The following KANSL1 variants were observed in gnomAD, a reference collection of about 807,000 sequenced individuals.
KANSL1 encodes the protein MLL1/MLL complex subunit KANSL1.
A neutral mutation model predicts 103.6 loss-of-function variants in KANSL1; 22 were observed. The observed-to-expected ratio is 0.21, with a 90% CI of 0.15 to 0.30. KANSL1 has a LOEUF of 0.30. Among genes scored for constraint, KANSL1 ranks in the 10% least tolerant of loss-of-function variants. KANSL1 has a pLI of 1.00. For synonymous variants in KANSL1, 600 were observed against 527.6 expected (o/e 1.14, Z -1.88); for missense variants, 1,337 against 1,399.8 (o/e 0.96, Z 0.72).
rs191577842 is a variant in KANSL1, at chr17:46,182,463, G to A, written c.-89-10231C>T. On this transcript the variant is annotated intron_variant, in intron 1 of 14. Coordinates refer to ENST00000432791, the MANE Select transcript of KANSL1 (RefSeq NM_015443.4). ...ATTTGTTGTGGAATACAATGGGGAA[G>A]GAGAGACAAAATTTTTACTATAAAA... Among the ~76,000 whole-genome samples, 874 of 152,330 alleles carry A rather than the reference G, an allele frequency of 5.7e-3. 10 individuals carry two copies. The highest frequency in any genetic ancestry group is 0.02 in the African/African-American group (820 of 41,560).
intron 2 of KANSL1, 72 bp downstream of exon 2, chr17:46,170,783 T>C (rs575489776): frequency 2.1e-6 from 3 of 1,439,120 alleles, no homozygotes; most frequent in Non-Finnish European, 1.9e-6. Context: ...ATTCTCTCCA[T>C]AATGGCGATT....
At chr17:46,220,081 T>A (rs2048476954) in intron 1 of KANSL1, among the ~76,000 whole-genome samples, 1 of 152,074 alleles carries the variant, frequency 6.6e-6, no homozygotes, top group Non-Finnish European at 1.5e-5. Flanking sequence ...CTAGCCTAGG[T>A]GACAGAGTGA....
intron 7 of KANSL1, chr17:46,041,836 A>G (rs1315689377): frequency 6.6e-6 from 1 of 151,140 alleles, no homozygotes; most frequent in Non-Finnish European, 1.5e-5. Flanking sequence ...TACAAATTCC[A>G]GTCACTGATA....
rs138522154 is a variant in KANSL1, at chr17:46,147,569, C to CT, written c.1289+23285dup. Among the ~76,000 whole-genome samples the CT allele has an allele frequency of 2.7e-3, 242 of 89,756 alleles. 5 individuals are homozygous for CT. In the Admixed American group the frequency reaches 0.031, roughly 11 times the overall value. The allele number at this position is 89,756 out of a possible 152,430, so 58.9% of individuals were successfully genotyped here. On this transcript the variant is annotated intron_variant, in intron 2 of 14. Coordinates refer to ENST00000432791, the MANE Select transcript of KANSL1 (RefSeq NM_015443.4). ...CCAGCCTGGGTGACAGAGTGAGACT[C>CT]TTTAAAAAAAAAAAAAAAAAAAAAA...
At chr17:46,113,500 T>TGCAA in intron 2 of KANSL1, among the ~76,000 whole-genome samples, 1 of 152,356 alleles carries the variant, frequency 6.6e-6, no homozygotes. Flanking sequence ...GTTAGGCATA[T>TGCAA]GCAAGCCTTT....
intron 5 of KANSL1, 71 bp from the exon 6 acceptor site, chr17:46,066,803 CAAAG>C: frequency 9.1e-7 from 1 of 1,103,930 alleles, no homozygotes; most frequent in Non-Finnish European, 1.3e-6. Context: ...CAAGAAAACA[CAAAG>C]AAACAAAGCC....
At chr17:46,072,331 T>C (rs1375809571) in intron 4 of KANSL1, among the ~76,000 whole-genome samples, 1 of 152,204 alleles carries the variant, frequency 6.6e-6, no homozygotes, top group African/African-American at 2.4e-5. Flanking sequence ...ATTAATGCCA[T>C]GTCACACCTG....
intron 2 of KANSL1, among the ~76,000 whole-genome samples, chr17:46,167,296 A>G (rs2046054977): frequency 6.6e-6 from 1 of 152,234 alleles, no homozygotes. Flanking sequence ...TCTAAGAGGG[A>G]AAAACAAAGA....
chr17:46,058,735 ACACACACACTCTCTCTCTCTCT>A (rs1296583670), intron 6 of KANSL1, among the ~76,000 whole-genome samples: 55 of 54,084 alleles, frequency 1.0e-3, no homozygotes, highest in African/African-American at 2.0e-3. Context: ...ACACACACAC[ACACACACACTCTCTCTCTCTCT>A]CTCTCTCTCT....
rs920048205 is a variant in KANSL1, at chr17:46,081,728, T to A, written c.1533+713A>T. 2.0e-4 allele frequency among the ~76,000 whole-genome samples: 30 copies of A among 152,366 alleles called. 4 individuals carry two copies. The highest frequency in any genetic ancestry group is 1.9e-3 in the Admixed American group (29 of 15,306). On this transcript the variant is annotated intron_variant, in intron 4 of 14. Transcript: ENST00000432791. ...GCTTAACTCACCATTTAAAAAGCCA[T>A]CACTTCACACTAGCTTTATTATCTG...
At chr17:46,038,962 A>G in intron 9 of KANSL1, 65 bp downstream of exon 9, 1 of 1,561,536 alleles carries the variant, frequency 6.4e-7, no homozygotes, top group Non-Finnish European at 8.7e-7. Flanking sequence ...AGAGAAGCCT[A>G]GGCTGCCCCA....
chr17:46,114,809 A>G (rs185089367), intron 2 of KANSL1, among the ~76,000 whole-genome samples: 1 of 152,376 alleles, frequency 6.6e-6, no homozygotes, highest in East Asian at 1.9e-4. Flanking sequence ...TAATCCCATT[A>G]AGGTTTATCA....
At chr17:46,183,050 T>C (rs2696702) in intron 1 of KANSL1, among the ~76,000 whole-genome samples, 21,951 of 152,238 alleles carry the variant, frequency 0.14, 2,139 homozygotes, top group Non-Finnish European at 0.22. Context: ...ATTTGGGGGA[T>C]GGAGGCAATC....
intron 2 of KANSL1, among the ~76,000 whole-genome samples, chr17:46,096,071 T>G (rs1376577291): frequency 1.3e-5 from 2 of 151,632 alleles, no homozygotes; most frequent in Non-Finnish European, 2.9e-5. Context: ...CCACCATTTT[T>G]GAAAAATAAT....
At chr17:46,072,061 A>C (rs2078599438) in intron 4 of KANSL1, among the ~76,000 whole-genome samples, 1 of 149,794 alleles carries the variant, frequency 6.7e-6, no homozygotes, top group Admixed American at 6.8e-5. Context: ...CAAATTTGTT[A>C]TTCACATAAA....
intron 13 of KANSL1, 49 bp from the exon 14 acceptor site, chr17:46,032,348 T>TA: frequency 6.8e-7 from 1 of 1,480,502 alleles, no homozygotes; most frequent in Non-Finnish European, 9.0e-7. Flanking sequence ...TGTTTACTTA[T>TA]GGGGGTAGAG....
intron 2 of KANSL1, among the ~76,000 whole-genome samples, chr17:46,129,473 C>T (rs1243339906): frequency 7.2e-5 from 11 of 152,302 alleles, no homozygotes; most frequent in Admixed American, 3.3e-4. Flanking sequence ...AGTGCTTTGT[C>T]GTGAGTTACA....
intron 7 of KANSL1, among the ~76,000 whole-genome samples, chr17:46,046,840 T>TAAAAAAAAAAAAA (rs36102082): frequency 8.4e-6 from 1 of 118,688 alleles, no homozygotes; most frequent in Non-Finnish European, 1.7e-5. Context: ...GTCTCAAAAG[T>TAAAAAAAAAAAAA]AAAAAAAAAA....
rs532880521 is a variant in KANSL1, at chr17:46,187,085, T to C, written c.-90+5738A>G. On this transcript the variant is annotated intron_variant, in intron 1 of 14. Transcript: ENST00000432791. The stretch of plus-strand genomic sequence containing the variant: ...CCTATACTAGAAACCAGAAACTAGC[T>C]ACAGTACTTAGCTTTGAGCCTCTTT... Among the ~76,000 whole-genome samples, 51 of 152,006 alleles carry C rather than the reference T, an allele frequency of 3.4e-4. No homozygotes were observed. In the South Asian group the frequency reaches 1.0e-2, roughly 30 times the overall value.
Sources: gnomAD v4.1 joint callset for allele counts (sites outside exome capture counted in the v4.1 genomes callset) on GRCh38, gnomAD v4.1.1 for gene constraint, MANE v1.5 for transcripts, NCBI Gene and HGNC (gene_info 2026-07-23, HGNC 2026-07-21) for gene names.